The following CDH23 variants were observed in gnomAD, a reference collection of about 807,000 sequenced individuals.
CDH23 encodes cadherin related 23, also known as cadherin-23.
A neutral mutation model predicts 317.1 loss-of-function variants in CDH23; 189 were observed. The observed-to-expected ratio is 0.60, with a 90% CI of 0.53 to 0.67. CDH23 has a LOEUF of 0.67. Among genes scored for constraint, CDH23 ranks in the 30% least tolerant of loss-of-function variants. The pLI is 0.00. For missense variants in CDH23, 4,401 were observed against 4,592.4 expected (o/e 0.96, Z 1.20); for synonymous variants, 1,839 against 1,876.8 (o/e 0.98, Z 0.52).
intron 14 of CDH23, among the ~76,000 whole-genome samples, chr10:71,657,105 A>T (rs1025362027): frequency 6.6e-6 from 1 of 152,170 alleles, no homozygotes; most frequent in Admixed American, 6.5e-5. Flanking sequence ...CCAGGCCAGC[A>T]AGGTGCATGC....
chr10:71,687,563 T>G, intron 18 of CDH23, 84 bp from the exon 19 acceptor site: 1 of 1,261,792 alleles, frequency 7.9e-7, no homozygotes, highest in Non-Finnish European at 1.2e-6. Flanking sequence ...AGACCTAGCC[T>G]GACTCCTTGG....
At position 71,761,974 on chromosome 10, in the gene CDH23, G is replaced by A. The variant is rs112139772; in HGVS notation, c.4846-15706G>A. On this transcript the variant is annotated intron_variant, in intron 38 of 69. Transcript: ENST00000224721. ...AGGTGAGGGTGACGTTCTGCCCCTC[G>A]GGACAGACATACAGGGAATACGGCG... is the stretch of plus-strand genomic sequence containing the variant. 1.7e-4 allele frequency: 269 copies of A among 1,613,644 alleles called. 4 individuals carry two copies. The highest frequency in any genetic ancestry group is 7.7e-4 in the South Asian group (70 of 91,070).
chr10:71,721,962 T>G (rs978706703), intron 28 of CDH23, among the ~76,000 whole-genome samples: 5 of 152,340 alleles, frequency 3.3e-5, no homozygotes, highest in African/African-American at 9.6e-5. Context: ...TAAGCCAGGT[T>G]TCCTCCATCC....
chr10:71,480,847 C>G (rs2394800), intron 3 of CDH23, among the ~76,000 whole-genome samples: 1 of 151,704 alleles, frequency 6.6e-6, no homozygotes, highest in Non-Finnish European at 1.5e-5. Flanking sequence ...CTCGATAGCA[C>G]TTGCCAAAGG....
At position 71,694,193 on chromosome 10, in the gene CDH23, A is replaced by G; in HGVS notation, c.2223A>G (p.Glu741=). 1 of 1,613,724 alleles carries G rather than the reference A, an allele frequency of 6.2e-7. No homozygotes were observed. The highest frequency in any genetic ancestry group is 8.5e-7 in the Non-Finnish European group (1 of 1,179,838). ...TSLLDRETKS[E]YILIVRAVDG... ...TGCTTGACCGAGAGACCAAGTCTGA[A>G]TACATCCTCATCGTTCGCGCAGTGG... Residue 741 remains glutamate, a synonymous_variant, in exon 21 of 70, where the codon GAA becomes GAG. Coordinates refer to ENST00000224721, the MANE Select transcript of CDH23 (RefSeq NM_022124.6).
intron 34 of CDH23, among the ~76,000 whole-genome samples, chr10:71,736,519 G>C (rs567660520): frequency 1.4e-3 from 210 of 152,278 alleles, no homozygotes; most frequent in African/African-American, 4.7e-3. Flanking sequence ...AGGCCTTCAG[G>C]GGGTAGGGGA....
intron 25 of CDH23, among the ~76,000 whole-genome samples, chr10:71,706,323 A>C (rs1171488685): frequency 1.3e-5 from 2 of 152,156 alleles, no homozygotes; most frequent in Non-Finnish European, 2.9e-5. Flanking sequence ...CCCTTTGCTG[A>C]AAGTCCGTTG....
At chr10:71,515,400 A>G (rs973389575) in intron 6 of CDH23, among the ~76,000 whole-genome samples, 4 of 138,068 alleles carry the variant, frequency 2.9e-5, no homozygotes, top group African/African-American at 1.3e-4. Flanking sequence ...TCTCTCACAC[A>G]CACACACACA....
chr10:71,793,662 C>T (rs1399589880), intron 48 of CDH23, 22 bp downstream of exon 48: 1 of 1,503,986 alleles, frequency 6.6e-7, no homozygotes, highest in South Asian at 1.3e-5. Context: ...TGCACCCCTC[C>T]CACCTCCCTC....
intron 18 of CDH23, 46 bp downstream of exon 18, chr10:71,682,618 G>T (rs1864702609): frequency 6.2e-7 from 1 of 1,603,856 alleles, no homozygotes; most frequent in South Asian, 1.1e-5. Context: ...TGTAAGGGAT[G>T]GTGAGTGCTT....
At chr10:71,460,823 G>C (rs1850943131) in intron 3 of CDH23, among the ~76,000 whole-genome samples, 1 of 152,198 alleles carries the variant, frequency 6.6e-6, no homozygotes, top group Non-Finnish European at 1.5e-5. Context: ...GGTTCCTGCT[G>C]TGGTCCCTTG....
chr10:71,458,848 C>T (rs1270128763), intron 3 of CDH23, among the ~76,000 whole-genome samples: 8 of 152,178 alleles, frequency 5.3e-5, no homozygotes, highest in African/African-American at 1.7e-4. Flanking sequence ...AGTGCAGTGG[C>T]GCGATCTCGG....
chr10:71,426,517 G>A (rs1361917748), intron 1 of CDH23, among the ~76,000 whole-genome samples: 1 of 152,122 alleles, frequency 6.6e-6, no homozygotes, highest in Admixed American at 6.5e-5. Context: ...AGGGGGCTAG[G>A]TGAGGCCAAG....
chr10:71,532,234 A>G (rs542714435), intron 6 of CDH23, among the ~76,000 whole-genome samples: 2 of 152,284 alleles, frequency 1.3e-5, no homozygotes, highest in African/African-American at 4.8e-5. Flanking sequence ...CCTCTAATTG[A>G]TGAACTTGTT....
intron 22 of CDH23, among the ~76,000 whole-genome samples, chr10:71,698,203 G>A (rs951066185): frequency 1.5e-4 from 23 of 152,250 alleles, no homozygotes; most frequent in African/African-American, 4.8e-4. Context: ...AAGCTTATAT[G>A]TTAGTCAAGT....
At chr10:71,515,636 C>T (rs1854294796) in intron 6 of CDH23, among the ~76,000 whole-genome samples, 1 of 152,056 alleles carries the variant, frequency 6.6e-6, no homozygotes, top group African/African-American at 2.4e-5. Context: ...GCTACCATTT[C>T]CCAACTGTGT....
chr10:71,429,779 C>T (rs1174937990), intron 1 of CDH23, among the ~76,000 whole-genome samples: 1 of 152,138 alleles, frequency 6.6e-6, no homozygotes, highest in African/African-American at 2.4e-5. Flanking sequence ...ACTGCCAGAC[C>T]TGTTAAATTT....
chr10:71,515,386 T>A (rs1854241389), intron 6 of CDH23, among the ~76,000 whole-genome samples: 1 of 132,228 alleles, frequency 7.6e-6, no homozygotes, highest in African/African-American at 3.1e-5. Context: ...TCTCTCTCTC[T>A]CTCTCTCTCA....
chr10:71,499,074 T>C lies in CDH23; in HGVS notation c.146-11008T>C, dbSNP rs1428185590. ...TACACAATGGAATACTATTCAGCTA[T>C]AAAAAGGAAATCCTATCATTTGCAG... On this transcript the variant is annotated intron_variant, in intron 3 of 69. Coordinates refer to ENST00000224721, the MANE Select transcript of CDH23 (RefSeq NM_022124.6). 3.3e-5 allele frequency among the ~76,000 whole-genome samples: 5 copies of C among 152,300 alleles called. No homozygotes were observed. The Middle Eastern group carries it at 0.01, about 311-fold the overall frequency.
Sources: gnomAD v4.1 joint callset for allele counts (sites outside exome capture counted in the v4.1 genomes callset) on GRCh38, gnomAD v4.1.1 for gene constraint, MANE v1.5 for transcripts, NCBI Gene and HGNC (gene_info 2026-07-23, HGNC 2026-07-21) for gene names.